The following DPYSL5 variants were observed in gnomAD, a reference collection of about 807,000 sequenced individuals.
The protein encoded by DPYSL5 is dihydropyrimidinase like 5.
In DPYSL5, 9 loss-of-function variants were observed where a neutral mutation model predicts 58.4. The observed-to-expected ratio is 0.15, with a 90% CI of 0.09 to 0.27. The LOEUF is 0.27. DPYSL5 is among the 10% of genes least tolerant of loss of function. The pLI, the probability that DPYSL5 is intolerant of heterozygous loss-of-function variation, is 1.00. For missense variants in DPYSL5, 499 were observed against 770.6 expected, an observed-to-expected ratio of 0.65 and a Z score of 4.17; for synonymous variants, 293 against 301.9, an observed-to-expected ratio of 0.97 and a Z score of 0.31.
At chr2:26,891,691 T>C (rs1211047495) in intron 1 of DPYSL5, among the ~76,000 whole-genome samples, 3 of 152,064 alleles carry the variant, frequency 2.0e-5, no homozygotes, top group East Asian at 3.9e-4. Flanking sequence ...TTTTTTTTTT[T>C]AGACAGAGTC....
rs565732666 is a variant in DPYSL5 at position 26,928,200 on chromosome 2, T to C, written c.601-55T>C. ...TCACTGTCCCTTGGGTTCAGTATTT[T>C]CTTACACGGTGTCTCTGTGATTCTC... On this transcript the variant is annotated intron_variant, in intron 4 of 12. Coordinates refer to ENST00000288699, the MANE Select transcript of DPYSL5 (RefSeq NM_020134.4). 6 of 1,582,162 alleles carry C rather than the reference T, an allele frequency of 3.8e-6. No homozygotes were observed. In the African/African-American group the frequency reaches 6.7e-5, roughly 18 times the overall value.
intron 2 of DPYSL5, among the ~76,000 whole-genome samples, chr2:26,909,687 C>A (rs555065575): frequency 7.2e-5 from 11 of 152,038 alleles, no homozygotes; most frequent in South Asian, 4.2e-4. Context: ...GGAGTTTGAG[C>A]TCACTTGAGC....
chr2:26,937,298 TATG>T (rs888354009), intron 8 of DPYSL5, among the ~76,000 whole-genome samples: 3 of 152,170 alleles, frequency 2.0e-5, no homozygotes, highest in African/African-American at 7.2e-5. Flanking sequence ...CTTTTTGTGT[TATG>T]ATAATAGTCT....
chr2:26,920,983 A>G (rs112722460), intron 2 of DPYSL5, among the ~76,000 whole-genome samples: 3 of 152,306 alleles, frequency 2.0e-5, no homozygotes, highest in South Asian at 2.1e-4. Flanking sequence ...TCATAAATAC[A>G]TAAGTATTTT....
At position 26,942,580 on chromosome 2, in the gene DPYSL5, T is replaced by G. The variant is rs767634400; in HGVS notation, c.1270T>G (p.Phe424Val). 1.5e-5 allele frequency: 25 copies of G among 1,614,012 alleles called. No homozygotes were observed. The East Asian group carries it at 5.1e-4, about 33-fold the overall frequency. The change falls in exon 11 of 13, where the codon TTC becomes GTC. Residue 424 changes from phenylalanine (F) to valine (V), a missense_variant. Phe to Val is a conservative substitution (Grantham distance 50, BLOSUM62 -1). Transcript: ENST00000288699. This position sits in a 1 kb window ranked among gnomAD's most constrained non-coding sequence, Gnocchi z 5.9. ...SASTQVQGGD[F>V]NLYENMRCHG... is the part of the protein sequence containing the mutation. ...CAGCACGCAGGTCCAGGGAGGAGACTTCAACCTGTATGAGAACATGCGCTG... is the reference window on the plus strand; with the variant it reads ...CAGCACGCAGGTCCAGGGAGGAGACGTCAACCTGTATGAGAACATGCGCTG...
rs1292180175 is a variant in DPYSL5 at position 26,927,259 on chromosome 2, G to A, written c.427G>A (p.Ala143Thr). 20 of 1,613,146 alleles carry A rather than the reference G, an allele frequency of 1.2e-5. No homozygotes were observed. Among genetic ancestry groups the A allele is most frequent in the Non-Finnish European group, 1.6e-5 (19 of 1,179,634 alleles). The change falls in exon 4 of 13, where the codon GCA becomes ACA. Residue 143 changes from alanine to threonine, a missense_variant. By Grantham distance (58) the Ala-to-Thr change is moderately conservative (BLOSUM62 0). Transcript: ENST00000288699. The surrounding 1 kb of genome is among the most constrained non-coding windows in gnomAD (Gnocchi z 4.3). Reference protein sequence around the residue: ...GITWWAPKVKAEMETLVREKG... With the variant: ...GITWWAPKVKTEMETLVREKG... ...CCTTCTACTTGTTCTCCAGGTGAAA[G>A]CAGAAATGGAGACACTGGTGAGGGA...
In DPYSL5 at chr2:26,942,967, A is replaced by C. The variant is rs1410065825; in HGVS notation, c.1440+217A>C. Among the ~76,000 whole-genome samples, 1 of 152,226 alleles carries C rather than the reference A, an allele frequency of 6.6e-6. No homozygotes were observed. The highest frequency in any genetic ancestry group is 6.5e-5 in the Admixed American group (1 of 15,284). ...TCCCCGTCTTTGATTACCAAGTGGC[A>C]TTTTAAGTGGTCAGGCAGCAGGGCT... On this transcript the variant is annotated intron_variant, in intron 11 of 12. Coordinates refer to ENST00000288699, the MANE Select transcript of DPYSL5 (RefSeq NM_020134.4). This position sits in a 1 kb window ranked among gnomAD's most constrained non-coding sequence, Gnocchi z 5.9.
At chr2:26,890,453 TGCGGGCTTAGAGG>T (rs1432995384) in intron 1 of DPYSL5, among the ~76,000 whole-genome samples, 1 of 152,248 alleles carries the variant, frequency 6.6e-6, no homozygotes, top group Admixed American at 6.5e-5. Context: ...AACAAGCCAG[TGCGGGCTTAGAGG>T]TCCCAAGACC....
At chr2:26,870,333 G>A (rs922383703) in intron 1 of DPYSL5, among the ~76,000 whole-genome samples, 34 of 152,058 alleles carry the variant, frequency 2.2e-4, no homozygotes, top group Non-Finnish European at 1.8e-4. Context: ...GTTTTTCTCC[G>A]TTGATTTGTG....
At chr2:26,896,861 A>G (rs1664035543) in intron 1 of DPYSL5, among the ~76,000 whole-genome samples, 3 of 152,214 alleles carry the variant, frequency 2.0e-5, no homozygotes, top group Admixed American at 6.5e-5. Context: ...TTCCTTCGCT[A>G]TGTAGAAACT....
Position 26,925,430 on chromosome 2 carries a change from T to C in DPYSL5, c.420+385T>C, listed in dbSNP as rs566264103. On this transcript the variant is annotated intron_variant, in intron 3 of 12. Transcript: ENST00000288699. This position sits in a 1 kb window ranked among gnomAD's most constrained non-coding sequence, Gnocchi z 4.5. The stretch of plus-strand genomic sequence containing the variant: ...AGAGGGTCATATCCCATATCCTATG[T>C]GTACTGAGAGTCCACCACACTGCGC... 1.9e-4 allele frequency among the ~76,000 whole-genome samples: 29 copies of C among 152,282 alleles called. No individual in the cohort carries two copies. In the East Asian group the frequency reaches 5.4e-3, roughly 28 times the overall value.
intron 1 of DPYSL5, among the ~76,000 whole-genome samples, chr2:26,875,630 A>G (rs1663390918): frequency 6.6e-6 from 1 of 152,072 alleles, no homozygotes. Flanking sequence ...AGGCATCCCA[A>G]CCTGGAGGCT....
chr2:26,854,799 T>C (rs112837093), intron 1 of DPYSL5, among the ~76,000 whole-genome samples: 2,352 of 151,750 alleles, frequency 0.015, 66 homozygotes, highest in African/African-American at 0.054. Context: ...TTTAAATTTT[T>C]TTTCTTTTTC....
rs879111591 is a variant in DPYSL5, at chr2:26,949,416, G to A, written c.*2421G>A. On this transcript the variant is annotated 3_prime_UTR_variant, in exon 13 of 13. Coordinates refer to ENST00000288699, the MANE Select transcript of DPYSL5 (RefSeq NM_020134.4). ...TGGCAAGTGGCAGCCATTGGAACAG[G>A]GGTGAGGACCCAGGCCTGGGAAAGC... 3 of 152,456 alleles carry A rather than the reference G, an allele frequency of 2.0e-5. No individual in the cohort carries two copies. Among genetic ancestry groups the A allele is most frequent in the African/African-American group, 7.2e-5 (3 of 41,446 alleles). 9.4% of individuals were successfully genotyped at this position (152,456 alleles called of 1,614,324 possible).
At chr2:26,867,528 T>C (rs1204467904) in intron 1 of DPYSL5, among the ~76,000 whole-genome samples, 1 of 149,436 alleles carries the variant, frequency 6.7e-6, no homozygotes, top group Non-Finnish European at 1.5e-5. Flanking sequence ...GGATCTCGGC[T>C]CACTGCAAGC....
intron 2 of DPYSL5, among the ~76,000 whole-genome samples, chr2:26,916,486 A>C (rs954583195): frequency 6.6e-6 from 1 of 151,942 alleles, no homozygotes; most frequent in Non-Finnish European, 1.5e-5. Context: ...CCTCACTACC[A>C]CCACCTCCAC....
rs1276500274 is a variant in DPYSL5 at position 26,927,297 on chromosome 2, C to T, written c.465C>T (p.Asn155=). 3 of 1,614,130 alleles carry T rather than the reference C, an allele frequency of 1.9e-6. No individual in the cohort carries two copies. Among genetic ancestry groups the T allele is most frequent in the Admixed American group, 3.3e-5 (2 of 60,018 alleles). Residue 155 remains asparagine, a synonymous_variant, in exon 4 of 13, where the codon AAC becomes AAT. Transcript: ENST00000288699. This position sits in a 1 kb window ranked among gnomAD's most constrained non-coding sequence, Gnocchi z 4.3. ...METLVREKGV[N]SFQMFMTYKD... Reference sequence around the variant, plus strand: ...CACTGGTGAGGGAGAAGGGTGTCAACTCGTTCCAGATGTTCATGACCTACA... The same window carrying T: ...CACTGGTGAGGGAGAAGGGTGTCAATTCGTTCCAGATGTTCATGACCTACA...
chr2:26,911,474 T>G (rs1377958850), intron 2 of DPYSL5, among the ~76,000 whole-genome samples: 1 of 152,232 alleles, frequency 6.6e-6, no homozygotes, highest in Non-Finnish European at 1.5e-5. Context: ...GAATTTTCTT[T>G]AAAATTTTCT....
chr2:26,876,044 A>G (rs570713468), intron 1 of DPYSL5, among the ~76,000 whole-genome samples: 1 of 152,156 alleles, frequency 6.6e-6, no homozygotes, highest in South Asian at 2.1e-4. Context: ...CTTTTTCTTT[A>G]GGTGAATGAA....
Sources: allele counts gnomAD v4.1 joint callset (sites outside exome capture counted in the v4.1 genomes callset), GRCh38; gene constraint gnomAD v4.1.1; non-coding constraint Gnocchi (gnomAD v3.1); transcripts MANE v1.5; gene names NCBI Gene and HGNC (gene_info 2026-07-23, HGNC 2026-07-21).